AAMDC: variants seen among roughly 807,000 people sequenced by gnomAD.
AAMDC encodes the protein adipogenesis associated Mth938 domain containing.
AAMDC carries 16 observed loss-of-function variants against 15.5 expected under a neutral mutation model. The ratio of observed to expected loss-of-function variants is 1.03; its 90% CI spans 0.70 to 1.57. The LOEUF is 1.57. AAMDC is among the 40% of genes most tolerant of loss of function. AAMDC has a pLI of 0.00. For synonymous variants in AAMDC, 51 were observed against 51.6 expected, an observed-to-expected ratio of 0.99 and a Z score of 0.05; for missense variants, 141 against 144.9, an observed-to-expected ratio of 0.97 and a Z score of 0.14.
chr11:77,873,245 C>A (rs1951504661), downstream of AAMDC, among the ~76,000 whole-genome samples: 1 of 152,148 alleles, frequency 6.6e-6, no homozygotes, highest in South Asian at 2.1e-4. Flanking sequence ...TCTGTCAGAT[C>A]AGGATAACAT....
intron 2 of AAMDC, among the ~76,000 whole-genome samples, chr11:77,868,211 T>C (rs1173563010): frequency 7.0e-6 from 1 of 143,638 alleles, no homozygotes; most frequent in Non-Finnish European, 1.5e-5. Context: ...ACCCGCTACC[T>C]GGCCCGGCTA....
chr11:77,903,832 T>C (rs1404215941), downstream of AAMDC, among the ~76,000 whole-genome samples: 1 of 152,142 alleles, frequency 6.6e-6, no homozygotes. Flanking sequence ...TTGATCCAAT[T>C]CTTGGCCCAA....
intron 5 of AAMDC, among the ~76,000 whole-genome samples, chr11:77,893,891 T>TTAAATAAATAAATAAGTAAA (rs1952390120): frequency 7.3e-6 from 1 of 137,868 alleles, no homozygotes. Context: ...AGACTCTGTC[T>TTAAATAAATAAATAAGTAAA]TAAATAAATA....
At chr11:77,875,326 CAGTGAGGATGTAGA>C (rs1214483619), downstream of AAMDC, among the ~76,000 whole-genome samples, 1 of 152,186 alleles carries the variant, frequency 6.6e-6, no homozygotes, top group Non-Finnish European at 1.5e-5. Flanking sequence ...GTAAACATTA[CAGTGAGGATGTAGA>C]AGTTGCAAAT....
chr11:77,824,334 G>A (rs1035883389), intron 1 of AAMDC, among the ~76,000 whole-genome samples: 2 of 152,236 alleles, frequency 1.3e-5, no homozygotes, highest in Non-Finnish European at 2.9e-5. Context: ...CTACTGCCAT[G>A]AAGAGGCCTT....
rs572735110 is a variant in AAMDC, at chr11:77,886,149, T to C, written c.328+9100T>C. Among the ~76,000 whole-genome samples the C allele has an allele frequency of 7.9e-5, 12 of 151,250 alleles. No individual in the cohort carries two copies. The South Asian group carries it at 2.5e-3, about 32-fold the overall frequency. ...TGGACACAGAAGTTTGAGGTCACAG[T>C]GAGCTGACCATGCCACTGCACTCCA... is the stretch of plus-strand genomic sequence containing the variant. On this transcript the variant is annotated intron_variant, in intron 5 of 5. Transcript: ENST00000304716.
chr11:77,877,024 G>A, downstream of AAMDC: 1 of 703,088 alleles, frequency 1.4e-6, no homozygotes, highest in South Asian at 1.5e-5. Flanking sequence ...CAGCTTCATG[G>A]CACATCCTTG....
chr11:77,882,587 G>A (rs1022604470), intron 5 of AAMDC, among the ~76,000 whole-genome samples: 3 of 152,136 alleles, frequency 2.0e-5, no homozygotes, highest in Non-Finnish European at 4.4e-5. Context: ...GGCAAATAGT[G>A]CAAAAACATT....
At chr11:77,890,078 C>T (rs1420923312) in intron 5 of AAMDC, among the ~76,000 whole-genome samples, 1 of 152,170 alleles carries the variant, frequency 6.6e-6, no homozygotes. Flanking sequence ...GACACCTATT[C>T]ATCTGTTCTT....
intron 1 of AAMDC, among the ~76,000 whole-genome samples, chr11:77,839,031 T>A (rs1441408507): frequency 6.6e-6 from 1 of 152,240 alleles, no homozygotes; most frequent in Non-Finnish European, 1.5e-5. Flanking sequence ...ACCATATTTT[T>A]GTTTATTTCT....
chr11:77,823,850 A>G (rs950106567), intron 1 of AAMDC, among the ~76,000 whole-genome samples: 3 of 151,910 alleles, frequency 2.0e-5, no homozygotes, highest in East Asian at 1.9e-4. Context: ...TGTACTTTCT[A>G]TCTTTGCTTC....
intron 1 of AAMDC, among the ~76,000 whole-genome samples, chr11:77,830,606 G>T (rs1338370005): frequency 1.3e-5 from 2 of 151,568 alleles, no homozygotes; most frequent in Non-Finnish European, 2.9e-5. Context: ...ATACTCTTTT[G>T]TCTCTTGTCT....
intron 2 of AAMDC, 68 bp downstream of exon 2, chr11:77,842,696 A>G (rs568912086): frequency 1.9e-6 from 3 of 1,579,506 alleles, no homozygotes; most frequent in African/African-American, 2.7e-5. Flanking sequence ...CCTAAGCTGC[A>G]ATGACTAAGT....
downstream of AAMDC, among the ~76,000 whole-genome samples, chr11:77,905,644 G>T (rs1431812911): frequency 6.6e-6 from 1 of 152,176 alleles, no homozygotes; most frequent in Non-Finnish European, 1.5e-5. Context: ...CTGCATTTGT[G>T]AAAGATAAAA....
In AAMDC at chr11:77,832,951, A is replaced by ATGTGTG. The variant is rs146936151; in HGVS notation, c.-18-9486_-18-9481dup. Among the ~76,000 whole-genome samples, 460 of 68,414 alleles carry ATGTGTG rather than the reference A, an allele frequency of 6.7e-3. 13 individuals carry two copies. Among genetic ancestry groups the ATGTGTG allele is most frequent in the Non-Finnish European group, 9.1e-3 (344 of 37,888 alleles). The allele number at this position is 68,414 out of a possible 152,430, so 44.9% of individuals were successfully genotyped here. ...ATTGTGCACTTTATTGTATATATATATGTGTGTGTGTGTGTGTGTGTGTGT... is the reference window on the plus strand; with the variant it reads ...ATTGTGCACTTTATTGTATATATATATGTGTGTGTGTGTGTGTGTGTGTGTGTGTGT... On this transcript the variant is annotated intron_variant, in intron 1 of 3. Transcript: ENST00000393427.
intron 1 of AAMDC, among the ~76,000 whole-genome samples, chr11:77,824,904 T>G (rs765274424): frequency 7.2e-5 from 11 of 152,236 alleles, no homozygotes; most frequent in Non-Finnish European, 1.6e-4. Flanking sequence ...GGTACCAGTC[T>G]GCCTTTTATA....
chr11:77,878,967 G>C (rs1046744383), intron 5 of AAMDC: 1 of 1,613,824 alleles, frequency 6.2e-7, no homozygotes, highest in African/African-American at 1.3e-5. Context: ...GTGCAGGTTT[G>C]GGCATTATAT....
At chr11:77,871,624 T>A (rs551456808) in intron 3 of AAMDC, among the ~76,000 whole-genome samples, 84 of 152,300 alleles carry the variant, frequency 5.5e-4, no homozygotes, top group African/African-American at 1.8e-3. Flanking sequence ...GTAAGTACTA[T>A]TATACCTATT....
chr11:77,881,951 A>T (rs1284725654), intron 5 of AAMDC, among the ~76,000 whole-genome samples: 3 of 148,320 alleles, frequency 2.0e-5, no homozygotes, highest in East Asian at 2.0e-4. Flanking sequence ...TTGCTCTGTT[A>T]CCCAGGCTGG....
Sources: gnomAD v4.1 joint callset for allele counts (sites outside exome capture counted in the v4.1 genomes callset) on GRCh38, gnomAD v4.1.1 for gene constraint, MANE v1.5 for transcripts, NCBI Gene and HGNC (gene_info 2026-07-23, HGNC 2026-07-21) for gene names.